Variants in C4orf51 observed in about 807,000 individuals in gnomAD.
The protein encoded by C4orf51 is chromosome 4 open reading frame 51.
C4orf51 carries 25 observed loss-of-function variants against 25.2 expected under a neutral mutation model. The observed-to-expected ratio is 0.99, with a 90% CI of 0.72 to 1.39. The LOEUF is 1.39. Among genes scored for constraint, C4orf51 ranks in the 40% most tolerant of loss-of-function variants. C4orf51 has a pLI of 0.00. For synonymous variants in C4orf51, 100 were observed against 84.5 expected (o/e 1.18, Z -1.01); for missense variants, 252 against 239.6 (o/e 1.05, Z -0.34).
intron 4 of C4orf51, 149 bp from the exon 5 acceptor site, chr4:145,729,743 C>T (rs1732355522): frequency 3.2e-6 from 2 of 633,062 alleles, no homozygotes; most frequent in East Asian, 5.5e-5. Flanking sequence ...AGGCATTTGT[C>T]ACTCATGCTG....
downstream of C4orf51, among the ~76,000 whole-genome samples, chr4:145,733,285 GGCCGCCTCC>G (rs1000044127): frequency 6.6e-6 from 1 of 152,046 alleles, no homozygotes; most frequent in African/African-American, 2.4e-5. Flanking sequence ...AGCGTCCACA[GGCCGCCTCC>G]GCCGCCTACG....
the C4orf51 span, among the ~76,000 whole-genome samples, chr4:145,783,273 AG>A: frequency 6.6e-6 from 1 of 152,228 alleles, no homozygotes; most frequent in Non-Finnish European, 1.5e-5. Flanking sequence ...ACTGAATAAA[AG>A]GGTCCAAGTG....
chr4:145,707,473 A>G (rs1730879672), intron 2 of C4orf51, among the ~76,000 whole-genome samples: 1 of 152,190 alleles, frequency 6.6e-6, no homozygotes, highest in Admixed American at 6.5e-5. Flanking sequence ...TGCTTGTCCA[A>G]ATAAGTGTGG....
At chr4:145,776,079 A>T in the C4orf51 span, 1 of 1,157,672 alleles carries the variant, frequency 8.6e-7, no homozygotes, top group Non-Finnish European at 1.2e-6. Flanking sequence ...TTTCAGATGG[A>T]GACAATGGTA....
At chr4:145,737,425 C>T (rs1422599839), downstream of C4orf51, among the ~76,000 whole-genome samples, 1 of 152,152 alleles carries the variant, frequency 6.6e-6, no homozygotes, top group African/African-American at 2.4e-5. Flanking sequence ...CTTTGAAAAA[C>T]GATTACTTTC....
chr4:145,717,935 A>G (rs1731505729), intron 2 of C4orf51, among the ~76,000 whole-genome samples: 1 of 152,238 alleles, frequency 6.6e-6, no homozygotes, highest in African/African-American at 2.4e-5. Flanking sequence ...ATTTTAATTC[A>G]ACTTTCTCTC....
chr4:145,715,515 G>A (rs1047885464), intron 2 of C4orf51, among the ~76,000 whole-genome samples: 1 of 152,058 alleles, frequency 6.6e-6, no homozygotes, highest in Admixed American at 6.5e-5. Flanking sequence ...GAGGTGTCAC[G>A]GGTAAAGGGA....
intron 1 of C4orf51, among the ~76,000 whole-genome samples, chr4:145,696,279 C>A (rs58919602): frequency 0.011 from 1,630 of 152,104 alleles, 34 homozygotes; most frequent in African/African-American, 0.037. Context: ...AATGGAACAA[C>A]AGACACTGGG....
intron 4 of C4orf51, among the ~76,000 whole-genome samples, chr4:145,729,444 G>A (rs546345015): frequency 5.9e-5 from 9 of 151,708 alleles, no homozygotes; most frequent in South Asian, 2.1e-4. Context: ...TGGGACTACC[G>A]GCGCCCGCCA....
chr4:145,745,320 A>ATTTTTTTTT (rs374600935), intron 1 of C4orf51, among the ~76,000 whole-genome samples: 3 of 135,326 alleles, frequency 2.2e-5, no homozygotes, highest in Non-Finnish European at 4.7e-5. Context: ...TTATTCATTC[A>ATTTTTTTTT]TTTTTTTTTT....
At chr4:145,706,793 C>T (rs1333556681) in intron 2 of C4orf51, among the ~76,000 whole-genome samples, 1 of 149,616 alleles carries the variant, frequency 6.7e-6, no homozygotes, top group Non-Finnish European at 1.5e-5. Flanking sequence ...AGGTTCCCAC[C>T]ACCATGCCCG....
At chr4:145,735,387 G>A (rs896858298), downstream of C4orf51, among the ~76,000 whole-genome samples, 4 of 152,230 alleles carry the variant, frequency 2.6e-5, no homozygotes, top group Non-Finnish European at 4.4e-5. Context: ...CTTTTCAAAT[G>A]AGCATAGTAA....
chr4:145,685,182 C>T (rs887216865), intron 1 of C4orf51, among the ~76,000 whole-genome samples: 1 of 152,034 alleles, frequency 6.6e-6, no homozygotes, highest in Non-Finnish European at 1.5e-5. Context: ...TACAGAAACA[C>T]CTATTGGAAC....
chr4:145,732,074 A>G lies in C4orf51; in HGVS notation c.502-379A>G, dbSNP rs193053662. On this transcript the variant is annotated intron_variant, in intron 5 of 5. Transcript: ENST00000438731. ...GTAGTGCTTTTGGTAATCATTCTCT[A>G]AATATTTATATTCCTGTGTCCTATC... Among the ~76,000 whole-genome samples, 6 of 152,270 alleles carry G rather than the reference A, an allele frequency of 3.9e-5. No individual in the cohort carries two copies. The East Asian group carries it at 1.2e-3, about 29-fold the overall frequency.
chr4:145,727,141 A>T (rs1732108690), intron 3 of C4orf51, among the ~76,000 whole-genome samples, 172 bp downstream of exon 3: 1 of 152,228 alleles, frequency 6.6e-6, no homozygotes, highest in Non-Finnish European at 1.5e-5. Flanking sequence ...GGTGATAGGA[A>T]CACAACAATA....
In C4orf51 at chr4:145,765,216, AG is replaced by A. The variant is rs1247383942; in HGVS notation, n.167-5769del. The stretch of plus-strand genomic sequence containing the variant: ...AGGTGCACAGGGCAGCGGGGAGAGG[AG>A]GGCAGGAGTGGAGCCAAGCTCCTCC... On this transcript the variant is annotated intron_variant and non_coding_transcript_variant, in intron 1 of 1. Coordinates refer to the C4orf51 transcript ENST00000510096. This position sits in a 1 kb window ranked among gnomAD's most constrained non-coding sequence, Gnocchi z 4.7. 4 of 1,522,246 alleles carry A rather than the reference AG, an allele frequency of 2.6e-6. No homozygotes were observed. Among genetic ancestry groups the A allele is most frequent in the Non-Finnish European group, 3.5e-6 (4 of 1,131,668 alleles). 94.3% of individuals were successfully genotyped at this position (1,522,246 alleles called of 1,614,324 possible).
At chr4:145,686,946 T>C (rs574059667) in intron 1 of C4orf51, among the ~76,000 whole-genome samples, 46 of 151,730 alleles carry the variant, frequency 3.0e-4, no homozygotes, top group African/African-American at 9.9e-4. Flanking sequence ...ACACCAAACT[T>C]GATGTCACTT....
At chr4:145,723,918 A>G (rs1366389682) in intron 2 of C4orf51, among the ~76,000 whole-genome samples, 1 of 152,216 alleles carries the variant, frequency 6.6e-6, no homozygotes, top group Non-Finnish European at 1.5e-5. Flanking sequence ...ACACTGGTGA[A>G]GAGGAACACT....
chr4:145,694,685 G>A (rs1483945524), intron 1 of C4orf51, among the ~76,000 whole-genome samples: 2 of 146,768 alleles, frequency 1.4e-5, no homozygotes. Flanking sequence ...CGCCCCGTCG[G>A]GGAGGTGAGG....
Sources: gnomAD v4.1 joint callset for allele counts (sites outside exome capture counted in the v4.1 genomes callset) on GRCh38, gnomAD v4.1.1 for gene constraint, Gnocchi (gnomAD v3.1) non-coding constraint, MANE v1.5 for transcripts, NCBI Gene and HGNC (gene_info 2026-07-23, HGNC 2026-07-21) for gene names.